Variants in KSR2 observed in about 807,000 individuals in gnomAD.
KSR2 encodes the protein kinase suppressor of ras 2.
Under a neutral mutation model 107.8 loss-of-function variants are expected in KSR2, and 25 were observed. The observed-to-expected ratio is 0.23, with a 90% CI of 0.17 to 0.32. KSR2 has a LOEUF of 0.32. Ranked by LOEUF, KSR2 falls within the 10% of genes least tolerant of loss-of-function variation. The pLI, the probability that KSR2 is intolerant of heterozygous loss-of-function variation, is 1.00. For missense variants in KSR2, 887 were observed against 1,268.9 expected, an observed-to-expected ratio of 0.70 and a Z score of 4.57; for synonymous variants, 480 against 507.0, an observed-to-expected ratio of 0.95 and a Z score of 0.71.
chr12:117,608,485 G>A (rs1274068073), intron 5 of KSR2, among the ~76,000 whole-genome samples: 1 of 152,148 alleles, frequency 6.6e-6, no homozygotes, highest in Non-Finnish European at 1.5e-5. Flanking sequence ...AGAATGCAGG[G>A]CTTTGCAGCT....
intron 5 of KSR2, among the ~76,000 whole-genome samples, chr12:117,639,986 G>A (rs767360142): frequency 2.6e-5 from 4 of 152,146 alleles, no homozygotes; most frequent in Non-Finnish European, 5.9e-5. Flanking sequence ...TGCAGGGGAA[G>A]TGGAAAAATC....
At chr12:117,747,470 A>C (rs1004124031) in intron 4 of KSR2, among the ~76,000 whole-genome samples, 1 of 152,026 alleles carries the variant, frequency 6.6e-6, no homozygotes, top group African/African-American at 2.4e-5. Context: ...CATTAGGACA[A>C]ATACGTAATG....
intron 9 of KSR2, among the ~76,000 whole-genome samples, chr12:117,554,928 C>T (rs1329526778): frequency 6.6e-6 from 1 of 152,186 alleles, no homozygotes; most frequent in East Asian, 1.9e-4. Context: ...CCTTCCTGGA[C>T]ACCCTCATCC....
chr12:117,607,786 C>A (rs768665307), intron 5 of KSR2, among the ~76,000 whole-genome samples: 1 of 152,114 alleles, frequency 6.6e-6, no homozygotes, highest in Non-Finnish European at 1.5e-5. Flanking sequence ...GGGGGTTCTG[C>A]GGATCTGAGG....
chr12:117,665,200 C>A (rs1012471691), intron 5 of KSR2, among the ~76,000 whole-genome samples: 2 of 152,020 alleles, frequency 1.3e-5, no homozygotes, highest in Non-Finnish European at 2.9e-5. Flanking sequence ...CTGGGAGCCA[C>A]CTTTTAATTA....
chr12:117,666,364 A>G (rs1023239118), intron 5 of KSR2, among the ~76,000 whole-genome samples: 1 of 152,236 alleles, frequency 6.6e-6, no homozygotes, highest in African/African-American at 2.4e-5. Flanking sequence ...CTTAGATAAA[A>G]GTAATGAAGG....
At chr12:117,695,716 AAC>A (rs1491499109) in intron 4 of KSR2, among the ~76,000 whole-genome samples, 1,713 of 143,298 alleles carry the variant, frequency 0.012, 42 homozygotes, top group African/African-American at 0.041. Context: ...GTCTCAAACA[AAC>A]AAAAAAAAAA....
At chr12:117,482,618 C>T (rs923057143) in intron 16 of KSR2, among the ~76,000 whole-genome samples, 5 of 152,168 alleles carry the variant, frequency 3.3e-5, no homozygotes, top group African/African-American at 1.2e-4. Flanking sequence ...CTTGGTTGAA[C>T]TAACTTCCTG....
chr12:117,541,443 G>A (rs77292593), intron 9 of KSR2, among the ~76,000 whole-genome samples: 88 of 152,304 alleles, frequency 5.8e-4, no homozygotes, highest in African/African-American at 2.0e-3. Flanking sequence ...ACCTCTTTGG[G>A]ACTTTTTGCT....
At chr12:117,467,925 T>TTTC in intron 19 of KSR2, 1 of 373,194 alleles carries the variant, frequency 2.7e-6, no homozygotes, top group Non-Finnish European at 5.1e-6. Flanking sequence ...CTGTGTTTTT[T>TTTC]TTTTTTTTTT....
At chr12:117,533,903 T>C (rs1405957030) in intron 10 of KSR2, among the ~76,000 whole-genome samples, 6 of 152,146 alleles carry the variant, frequency 3.9e-5, no homozygotes, top group Admixed American at 3.3e-4. Flanking sequence ...AACAACTCGT[T>C]CCTGGTGACT....
At chr12:117,752,727 G>A (rs1367116928) in intron 4 of KSR2, among the ~76,000 whole-genome samples, 1 of 152,144 alleles carries the variant, frequency 6.6e-6, no homozygotes, top group East Asian at 1.9e-4. Context: ...AAATATATAT[G>A]TGATAGGATT....
chr12:117,731,701 T>C (rs658539), intron 4 of KSR2, among the ~76,000 whole-genome samples: 66,035 of 151,180 alleles, frequency 0.44, 15,200 homozygotes, highest in South Asian at 0.61. Context: ...GAAAAATTCT[T>C]CTGCCTTGGG....
At chr12:117,634,403 G>C (rs1397719166) in intron 5 of KSR2, among the ~76,000 whole-genome samples, 3 of 152,142 alleles carry the variant, frequency 2.0e-5, no homozygotes, top group Non-Finnish European at 2.9e-5. Context: ...GAAAGCCCCT[G>C]AGTCTACCTG....
chr12:117,493,437 A>C (rs985105938), intron 14 of KSR2, among the ~76,000 whole-genome samples: 4 of 152,046 alleles, frequency 2.6e-5, no homozygotes, highest in African/African-American at 9.7e-5. Context: ...TCTCCCTGTC[A>C]TTCACGGAGT....
intron 14 of KSR2, among the ~76,000 whole-genome samples, chr12:117,497,908 G>A (rs1355766296): frequency 6.6e-6 from 1 of 152,196 alleles, no homozygotes; most frequent in Non-Finnish European, 1.5e-5. Context: ...GTGATTTTAT[G>A]TCCAACTTTA....
At chr12:117,526,208 A>C (rs1160055087) in intron 13 of KSR2, among the ~76,000 whole-genome samples, 1 of 152,210 alleles carries the variant, frequency 6.6e-6, no homozygotes, top group Non-Finnish European at 1.5e-5. Context: ...CACACGACTC[A>C]GGCGTACTTC....
intron 1 of KSR2, among the ~76,000 whole-genome samples, chr12:117,911,076 C>A (rs1159004458): frequency 6.6e-6 from 1 of 152,098 alleles, no homozygotes; most frequent in African/African-American, 2.4e-5. Flanking sequence ...AAGGTCATCT[C>A]TTCTGTTAAA....
intron 4 of KSR2, chr12:117,674,423 C>A (rs539420062): frequency 1.1e-4 from 49 of 455,962 alleles, no homozygotes; most frequent in Non-Finnish European, 1.9e-4. Flanking sequence ...GCATTAAGTT[C>A]ATTCATATTG....
Sources: gnomAD v4.1 joint callset for allele counts (sites outside exome capture counted in the v4.1 genomes callset) on GRCh38, gnomAD v4.1.1 for gene constraint, MANE v1.5 for transcripts, NCBI Gene and HGNC (gene_info 2026-07-23, HGNC 2026-07-21) for gene names.